The following PPFIA4 variants were observed in gnomAD, a reference collection of about 807,000 sequenced individuals.
PPFIA4 encodes the protein liprin-alpha-4.
Under a neutral mutation model 145.7 loss-of-function variants are expected in PPFIA4, and 98 were observed. The observed-to-expected ratio is 0.67, with a 90% CI of 0.57 to 0.80. The LOEUF is 0.80. Among genes scored for constraint, PPFIA4 ranks in the 30% least tolerant of loss-of-function variants. The pLI, the probability that PPFIA4 is intolerant of heterozygous loss-of-function variation, is 0.00. For synonymous variants in PPFIA4, 628 were observed against 649.6 expected, an observed-to-expected ratio of 0.97 and a Z score of 0.51; for missense variants, 1,457 against 1,632.7, an observed-to-expected ratio of 0.89 and a Z score of 1.85.
rs955359564 is a variant in PPFIA4, at chr1:203,059,163, T to A, written c.2408-15T>A. 2 of 1,485,042 alleles carry A rather than the reference T, an allele frequency of 1.3e-6. No individual in the cohort carries two copies. Among genetic ancestry groups the A allele is most frequent in the Non-Finnish European group, 1.8e-6 (2 of 1,084,486 alleles). The allele number at this position is 1,485,042 out of a possible 1,614,324, so 92.0% of individuals were successfully genotyped here. The stretch of plus-strand genomic sequence containing the variant: ...GCAGAGGGGCTGGCTGACACACACA[T>A]CTCTTTCCTTGTAGTTCTGCTAACA... On this transcript the variant is annotated splice_polypyrimidine_tract_variant and intron_variant, in intron 19 of 29. Coordinates refer to ENST00000295706, the MANE Select transcript of PPFIA4 (RefSeq NM_001304331.2).
Position 203,045,410 on chromosome 1 carries a change from A to G in PPFIA4, c.709A>G (p.Lys237Glu). Residue 237 changes from lysine to glutamate, a missense_variant, in exon 7 of 30, where the codon AAG becomes GAG. Lys to Glu is a moderately conservative substitution (Grantham distance 56, BLOSUM62 1). Around this residue, in one of 3 missense-constraint regions of PPFIA4, gnomAD observed 463 missense variants for 459.8 expected, o/e 1.01. Transcript: ENST00000295706. ...AGAGGAGCTGCAGGAGCTCCTGGAGAAGCAGAACTTTGAGTTGAGCCAGGC... is the reference window on the plus strand; with the variant it reads ...AGAGGAGCTGCAGGAGCTCCTGGAGGAGCAGAACTTTGAGTTGAGCCAGGC... Reference protein sequence around the residue: ...RVEELQELLEKQNFELSQARE... With the variant: ...RVEELQELLEEQNFELSQARE... 6.2e-7 allele frequency: 1 copy of G among 1,608,220 alleles called. No individual in the cohort carries two copies. Among genetic ancestry groups the G allele is most frequent in the Non-Finnish European group, 8.5e-7 (1 of 1,178,026 alleles).
At position 203,060,932 on chromosome 1, in the gene PPFIA4, C is replaced by G; in HGVS notation, c.2785-38C>G. The G allele has an allele frequency of 6.2e-7, 1 of 1,600,106 alleles. No homozygotes were observed. The highest frequency in any genetic ancestry group is 8.6e-7 in the Non-Finnish European group (1 of 1,167,514). On this transcript the variant is annotated intron_variant, in intron 22 of 29. Transcript: ENST00000295706. This position sits in a 1 kb window ranked among gnomAD's most constrained non-coding sequence, Gnocchi z 4.8. ...CAGCCTGATGGGGATCCTGGGGACC[C>G]ACACCCAGGACCAGCTAGGTTTCCT... is the stretch of plus-strand genomic sequence containing the variant.
chr1:203,044,000 C>T lies in PPFIA4; in HGVS notation c.406C>T (p.Arg136Cys), dbSNP rs756691763. ...GTCACTGCGGATGACTGTGGTGAAG[C>T]GCCAGGCCCAGTCACCTTCGGGGGT... is the stretch of plus-strand genomic sequence containing the variant. ...ERSLRMTVVK[R>C]QAQSPSGVSS... The change falls in exon 4 of 30, where the codon CGC (arginine) becomes TGC (cysteine). Residue 136 changes from arginine (R) to cysteine (C), a missense_variant. Around this residue, in one of 3 missense-constraint regions of PPFIA4, gnomAD observed 463 missense variants for 459.8 expected, o/e 1.01. Transcript: ENST00000295706. The surrounding 1 kb of genome is among the most constrained non-coding windows in gnomAD (Gnocchi z 4.4). 4.3e-6 allele frequency: 7 copies of T among 1,612,108 alleles called. No individual in the cohort carries two copies. Among genetic ancestry groups the T allele is most frequent in the East Asian group, 2.2e-5 (1 of 44,792 alleles).
At chr1:203,076,177 C>T (rs1662528188) in intron 29 of PPFIA4, 164 bp from the exon 30 acceptor site, 1 of 768,790 alleles carries the variant, frequency 1.3e-6, no homozygotes, top group Non-Finnish European at 2.2e-6. Flanking sequence ...TCCAGTCCCG[C>T]TTACCAGCAC....
rs34786248 is a variant in PPFIA4, at chr1:203,068,880, A to G, written c.3324+252A>G. Among the ~76,000 whole-genome samples the G allele has an allele frequency of 0.061, 9,221 of 152,156 alleles. 306 individuals carry two copies. The highest frequency in any genetic ancestry group is 0.075 in the Non-Finnish European group (5,107 of 67,988). On this transcript the variant is annotated intron_variant, in intron 27 of 29. Transcript: ENST00000295706. This position sits in a 1 kb window ranked among gnomAD's most constrained non-coding sequence, Gnocchi z 4.7. ...GCCTGGCACACAGTGTGCTCTTACA[A>G]TGCGCATCCCCGTCCTGCCCTGGGT...
At position 203,059,217 on chromosome 1, in the gene PPFIA4, T is replaced by C; in HGVS notation, c.2447T>C (p.Met816Thr). The C allele has an allele frequency of 6.4e-7, 1 of 1,556,500 alleles. No individual in the cohort carries two copies. The highest frequency in any genetic ancestry group is 8.8e-7 in the Non-Finnish European group (1 of 1,142,588). ...TCCGAATTCAGTATGCAGGAGCCTATGGTGCCTGCCAAGCTGGGGACCCAG... is the reference window on the plus strand; with the variant it reads ...TCCGAATTCAGTATGCAGGAGCCTACGGTGCCTGCCAAGCTGGGGACCCAG... Reference protein sequence around the residue: ...TDSEFSMQEPMVPAKLGTQAE... With the variant: ...TDSEFSMQEPTVPAKLGTQAE... The change falls in exon 20 of 30, where the codon ATG (methionine) becomes ACG (threonine). Residue 816 changes from methionine (M) to threonine (T), a missense_variant. Met to Thr is a moderately conservative substitution (Grantham distance 81). Transcript: ENST00000295706.
At chr1:203,063,533 A>G (rs1449378937) in intron 24 of PPFIA4, 7 of 322,120 alleles carry the variant, frequency 2.2e-5, no homozygotes, top group Non-Finnish European at 3.5e-5. Flanking sequence ...CAGAGTCAAC[A>G]GGAAGGATTT....
At chr1:203,027,060 G>A (rs986993051) in intron 1 of PPFIA4, among the ~76,000 whole-genome samples, 5 of 152,332 alleles carry the variant, frequency 3.3e-5, no homozygotes, top group South Asian at 2.1e-4. Context: ...TCTTCGCGGG[G>A]GTCTTAATCT....
At chr1:203,052,621 C>G (rs764815825) in intron 14 of PPFIA4, among the ~76,000 whole-genome samples, 1 of 152,134 alleles carries the variant, frequency 6.6e-6, no homozygotes, top group Non-Finnish European at 1.5e-5. Flanking sequence ...CTTCTTTGCT[C>G]TTTCTGTTTA....
At chr1:203,051,949 G>T in intron 14 of PPFIA4, 72 bp downstream of exon 14, 1 of 1,517,716 alleles carries the variant, frequency 6.6e-7, no homozygotes, top group Admixed American at 1.9e-5. Context: ...CAGTTACGCA[G>T]ACGGCTGGTG....
chr1:203,064,066 T>C, intron 25 of PPFIA4, 63 bp downstream of exon 25: 1 of 1,545,596 alleles, frequency 6.5e-7, no homozygotes, highest in Non-Finnish European at 8.8e-7. Context: ...TCTGAGGGTC[T>C]GCCTCCAGGA....
At chr1:203,046,077 G>A in intron 8 of PPFIA4, 90 bp downstream of exon 8, 1 of 1,585,090 alleles carries the variant, frequency 6.3e-7, no homozygotes, top group Admixed American at 1.7e-5. Context: ...AGGAGCCCCT[G>A]GGGTCCTGCA....
intron 13 of PPFIA4, 150 bp from the exon 14 acceptor site, chr1:203,051,619 C>A: frequency 7.1e-7 from 1 of 1,399,546 alleles, no homozygotes; most frequent in Non-Finnish European, 9.5e-7. Context: ...GCTTACACGG[C>A]AGCCCTTCAG....
rs1193299530 is a variant in PPFIA4, at chr1:203,068,062, G to A, written c.3148+270G>A. ...ATCCTCTGGGACGGTGTTATAGACT[G>A]GTGTGCCTGTGGAACTTGTTGATCT... On this transcript the variant is annotated intron_variant, in intron 26 of 29. Coordinates refer to ENST00000295706, the MANE Select transcript of PPFIA4 (RefSeq NM_001304331.2). This position sits in a 1 kb window ranked among gnomAD's most constrained non-coding sequence, Gnocchi z 4.7. Among the ~76,000 whole-genome samples, 1 of 152,196 alleles carries A rather than the reference G, an allele frequency of 6.6e-6. No individual in the cohort carries two copies. The highest frequency in any genetic ancestry group is 1.5e-5 in the Non-Finnish European group (1 of 68,034).
chr1:203,044,584 C>T (rs1659930171), intron 5 of PPFIA4, 112 bp from the exon 6 acceptor site: 2 of 1,391,286 alleles, frequency 1.4e-6, no homozygotes, highest in Non-Finnish European at 9.8e-7. Flanking sequence ...CTAGGCTGAG[C>T]ACCTCTTTCT....
At chr1:203,058,971 T>C (rs1661169921) in intron 19 of PPFIA4, among the ~76,000 whole-genome samples, 3 of 152,178 alleles carry the variant, frequency 2.0e-5, no homozygotes, top group Admixed American at 2.0e-4. Context: ...GGAGACTCTC[T>C]GAACTGGGGA....
At chr1:203,070,062 T>C (rs1662035207) in intron 27 of PPFIA4, among the ~76,000 whole-genome samples, 3 of 152,148 alleles carry the variant, frequency 2.0e-5, no homozygotes, top group Admixed American at 2.0e-4. Flanking sequence ...AGACTGTCCT[T>C]ATGGAACTCT....
chr1:203,046,582 A>ATG (rs1658480045), intron 9 of PPFIA4, 200 bp downstream of exon 9: 1 of 520,014 alleles, frequency 1.9e-6, no homozygotes, highest in African/African-American at 2.0e-5. Context: ...CCCTGCAGGG[A>ATG]TGTGACAGTC....
intron 1 of PPFIA4, among the ~76,000 whole-genome samples, chr1:203,031,056 T>G (rs1175524071): frequency 1.3e-5 from 2 of 152,038 alleles, no homozygotes; most frequent in Non-Finnish European, 2.9e-5. Flanking sequence ...ACATATACTC[T>G]CTCTCTCTCT....
Sources: allele counts gnomAD v4.1 joint callset (sites outside exome capture counted in the v4.1 genomes callset), GRCh38; gene constraint gnomAD v4.1.1; regional missense constraint gnomAD v4.1.1; non-coding constraint Gnocchi (gnomAD v3.1); transcripts MANE v1.5; gene names NCBI Gene and HGNC (gene_info 2026-07-23, HGNC 2026-07-21).